UGT1A1: variants seen among roughly 807,000 people sequenced by gnomAD.
The protein encoded by UGT1A1 is UDP-glucuronosyltransferase 1A1.
A neutral mutation model predicts 40.6 loss-of-function variants in UGT1A1; 33 were observed. The ratio of observed to expected loss-of-function variants is 0.81; its 90% CI spans 0.62 to 1.09. The LOEUF is 1.09. Among genes scored for constraint, UGT1A1 ranks in the 50% least tolerant of loss-of-function variants. UGT1A1 has a pLI of 0.00. For synonymous variants in UGT1A1, 249 were observed against 265.0 expected (o/e 0.94, Z 0.59); for missense variants, 694 against 671.2 (o/e 1.03, Z -0.38).
At position 233,767,169 on chromosome 2, in the gene UGT1A1, A is replaced by G; in HGVS notation, c.996+4A>G. On this transcript the variant is annotated splice_donor_region_variant and intron_variant, in intron 2 of 4. Coordinates refer to ENST00000305208, the MANE Select transcript of UGT1A1 (RefSeq NM_000463.3). The stretch of plus-strand genomic sequence containing the variant: ...TTTGGGCAAAATCCCTCAGACAGTA[A>G]GAAGATTCTATACCATGGCCTCATA... 1.2e-6 allele frequency: 2 copies of G among 1,614,122 alleles called. No homozygotes were observed. The highest frequency in any genetic ancestry group is 1.7e-6 in the Non-Finnish European group (2 of 1,180,012).
In UGT1A1 at chr2:233,772,749, G is replaced by T. The variant is rs901299936; in HGVS notation, c.*190G>T. The T allele has an allele frequency of 1.4e-6, 2 of 1,420,114 alleles. No individual in the cohort carries two copies. The highest frequency in any genetic ancestry group is 1.8e-6 in the Non-Finnish European group (2 of 1,083,638). The allele number at this position is 1,420,114 out of a possible 1,614,324, so 88.0% of individuals were successfully genotyped here. A position where few individuals can be genotyped will look rare whatever the true frequency, so the allele number is the denominator to read the frequency against. On this transcript the variant is annotated 3_prime_UTR_variant, in exon 5 of 5. Coordinates refer to ENST00000305208, the MANE Select transcript of UGT1A1 (RefSeq NM_000463.3). ...GACTCGCTAGTCAGTAAAGATATTTGAATATGTATCGTGCCCCCTCTGGTG... is the reference window on the plus strand; with the variant it reads ...GACTCGCTAGTCAGTAAAGATATTTTAATATGTATCGTGCCCCCTCTGGTG...
chr2:233,761,269 T>C, intron 1 of UGT1A1, 118 bp downstream of exon 1: 1 of 1,591,986 alleles, frequency 6.3e-7, no homozygotes, highest in Non-Finnish European at 8.6e-7. Context: ...TAAAATGCCC[T>C]CTTTTGTTAA....
rs762488947 is a variant in UGT1A1, at chr2:233,772,318, C to T, written c.1361C>T (p.Pro454Leu). 5 of 1,614,112 alleles carry T rather than the reference C, an allele frequency of 3.1e-6. No homozygotes were observed. Among genetic ancestry groups the T allele is most frequent in the African/African-American group, 1.3e-5 (1 of 74,934 alleles). The change falls in exon 5 of 5, where the codon CCG (proline) becomes CTG (leucine). Residue 454 changes from proline to leucine, a missense_variant. Physicochemically the swap from Pro to Leu is moderately conservative, Grantham distance 98. Transcript: ENST00000305208. ...SSLHKDRPVE[P>L]LDLAVFWVEF... is the part of the protein sequence containing the mutation. ...CTTCACAAGGACCGCCCGGTGGAGC[C>T]GCTGGACCTGGCCGTGTTCTGGGTG...
intron 1 of UGT1A1, among the ~76,000 whole-genome samples, chr2:233,766,184 T>A (rs1169450089): frequency 6.6e-6 from 1 of 152,052 alleles, no homozygotes; most frequent in Non-Finnish European, 1.5e-5. Context: ...ATTGAGTGGA[T>A]GTAGCTCTCA....
chr2:233,760,403 A>T lies in UGT1A1; in HGVS notation c.116A>T (p.His39Leu), dbSNP rs2125983562. The change falls in exon 1 of 5, where the codon CAC becomes CTC. Residue 39 changes from histidine to leucine, a missense_variant. Coordinates refer to ENST00000305208, the MANE Select transcript of UGT1A1 (RefSeq NM_000463.3). ...KILLIPVDGS[H>L]WLSMLGAIQQ... ...CTGTTGATCCCAGTGGATGGCAGCC[A>T]CTGGCTGAGCATGCTTGGGGCCATC... 1 of 1,614,240 alleles carries T rather than the reference A, an allele frequency of 6.2e-7. No homozygotes were observed. The highest frequency in any genetic ancestry group is 8.5e-7 in the Non-Finnish European group (1 of 1,180,050).
At position 233,767,872 on chromosome 2, in the gene UGT1A1, C is replaced by G. The variant is rs997427896; in HGVS notation, c.1020C>G (p.Thr340=). The G allele has an allele frequency of 2.5e-6, 4 of 1,614,024 alleles. No homozygotes were observed. The highest frequency in any genetic ancestry group is 3.4e-6 in the Non-Finnish European group (4 of 1,180,044). ...PQTVLWRYTG[T]RPSNLANNTI... is the part of the protein sequence containing the mutation. The stretch of plus-strand genomic sequence containing the variant: ...AGGTCCTGTGGCGGTACACTGGAAC[C>G]CGACCATCGAATCTTGCGAACAACA... Residue 340 remains threonine (T), a synonymous_variant, in exon 3 of 5, where the codon ACC becomes ACG. Coordinates refer to ENST00000305208, the MANE Select transcript of UGT1A1 (RefSeq NM_000463.3).
chr2:233,761,244 C>A lies in UGT1A1; in HGVS notation c.864+93C>A, dbSNP rs555483711. 5.0e-6 allele frequency: 8 copies of A among 1,610,826 alleles called. No homozygotes were observed. In the African/African-American group the frequency reaches 1.1e-4, roughly 21 times the overall value. On this transcript the variant is annotated intron_variant, in intron 1 of 4. Transcript: ENST00000305208. ...TAGCCCCAGATATATGCTGAGCAAG[C>A]ATTCTGAGATAATTTAAAATGCCCT...
At chr2:233,771,398 A>G (rs1700304180) in intron 4 of UGT1A1, 1 of 152,164 alleles carries the variant, frequency 6.6e-6, no homozygotes, top group Non-Finnish European at 1.5e-5. Context: ...TGATTGGGCA[A>G]TGAACACTGT....
At chr2:233,764,892 GC>G (rs759147783) in intron 1 of UGT1A1, among the ~76,000 whole-genome samples, 77 of 150,328 alleles carry the variant, frequency 5.1e-4, no homozygotes, top group Non-Finnish European at 1.0e-3. Context: ...CAAAGACAAA[GC>G]CCTTAAGAGC....
Position 233,760,989 on chromosome 2 carries a change from C to T in UGT1A1, c.702C>T (p.Ala234=). Residue 234 remains alanine (A), a synonymous_variant, in exon 1 of 5, where the codon GCC becomes GCT. Coordinates refer to ENST00000305208, the MANE Select transcript of UGT1A1 (RefSeq NM_000463.3). The stretch of plus-strand genomic sequence containing the variant: ...TTTATTCCCCGTATGCAACCCTTGC[C>T]TCAGAATTCCTTCAGAGAGAGGTGA... ...DVVYSPYATL[A]SEFLQREVTV... 6.2e-7 allele frequency: 1 copy of T among 1,614,198 alleles called. No homozygotes were observed. The highest frequency in any genetic ancestry group is 8.5e-7 in the Non-Finnish European group (1 of 1,180,048).
At position 233,762,076 on chromosome 2, in the gene UGT1A1, C is replaced by T. The variant is rs543302541; in HGVS notation, c.864+925C>T. ...CTTCATAGCACATCAAATATGGCAG[C>T]CATTTCACTTAGATAGTTGTTGATT... On this transcript the variant is annotated intron_variant, in intron 1 of 4. Coordinates refer to ENST00000305208, the MANE Select transcript of UGT1A1 (RefSeq NM_000463.3). Among the ~76,000 whole-genome samples the T allele has an allele frequency of 4.6e-5, 7 of 152,184 alleles. No homozygotes were observed. The East Asian group carries it at 1.4e-3, about 29-fold the overall frequency.
rs773383083 is a variant in UGT1A1, at chr2:233,761,070, G to A, written c.783G>A (p.Val261=). 1.4e-5 allele frequency: 23 copies of A among 1,614,070 alleles called. No individual in the cohort carries two copies. The East Asian group carries it at 4.5e-4, about 31-fold the overall frequency. Residue 261 remains valine, a synonymous_variant, in exon 1 of 5, where the codon GTG becomes GTA. Transcript: ENST00000305208. ...TCTGGCTGTTTAGAAGTGACTTTGT[G>A]AAGGATTACCCTAGGCCCATCATGC... ...ASVWLFRSDF[V]KDYPRPIMPN...
intron 1 of UGT1A1, among the ~76,000 whole-genome samples, chr2:233,764,647 G>A (rs1256748841): frequency 6.6e-6 from 1 of 152,124 alleles, no homozygotes; most frequent in Non-Finnish European, 1.5e-5. Context: ...GGAAATTTAA[G>A]TAAGCCATTT....
rs367562116 is a variant in UGT1A1, at chr2:233,765,371, G to A, written c.865-1663G>A. On this transcript the variant is annotated intron_variant, in intron 1 of 4. Coordinates refer to ENST00000305208, the MANE Select transcript of UGT1A1 (RefSeq NM_000463.3). Reference sequence around the variant, plus strand: ...GGAACCAACCCAGATGCCCATCAATGGTAGATTGGATAAAGAAAATGTGGT... The same window carrying A: ...GGAACCAACCCAGATGCCCATCAATAGTAGATTGGATAAAGAAAATGTGGT... Among the ~76,000 whole-genome samples, 7 of 152,230 alleles carry A rather than the reference G, an allele frequency of 4.6e-5. No homozygotes were observed. In the South Asian group the frequency reaches 1.0e-3, roughly 23 times the overall value.
At chr2:233,766,358 C>G (rs1222221070) in intron 1 of UGT1A1, among the ~76,000 whole-genome samples, 1 of 152,148 alleles carries the variant, frequency 6.6e-6, no homozygotes, top group Non-Finnish European at 1.5e-5. Context: ...CTGCCGGTGC[C>G]TGTTGGTGAG....
At chr2:233,765,895 T>C (rs988320482) in intron 1 of UGT1A1, among the ~76,000 whole-genome samples, 1 of 152,066 alleles carries the variant, frequency 6.6e-6, no homozygotes, top group Non-Finnish European at 1.5e-5. Flanking sequence ...AGTGCGCCAC[T>C]GCTCAAACCT....
chr2:233,769,449 G>A lies in UGT1A1; in HGVS notation c.1304+1010G>A, dbSNP rs538754639. ...GCTGTGCTCATGTGTGGGTGCACAC[G>A]TGTGCATTCATATGCGTGTGTGTGT... On this transcript the variant is annotated intron_variant, in intron 4 of 4. Coordinates refer to ENST00000305208, the MANE Select transcript of UGT1A1 (RefSeq NM_000463.3). The surrounding 1 kb of genome is among the most constrained non-coding windows in gnomAD (Gnocchi z 4.4). The A allele has an allele frequency of 8.2e-5, 130 of 1,580,920 alleles. 1 individual carries two copies. The highest frequency in any genetic ancestry group is 7.2e-4 in the African/African-American group (54 of 74,488).
intron 1 of UGT1A1, among the ~76,000 whole-genome samples, chr2:233,763,526 CCT>C (rs1427600025): frequency 1.3e-5 from 2 of 152,212 alleles, no homozygotes; most frequent in Non-Finnish European, 2.9e-5. Context: ...TTGCCATTCT[CCT>C]TTTTCCGGAT....
Position 233,760,448 on chromosome 2 carries a change from GA to G in UGT1A1, c.162del (p.His55MetfsTer3). On this transcript the variant is annotated frameshift_variant, in exon 1 of 5. Coordinates refer to ENST00000305208, the MANE Select transcript of UGT1A1 (RefSeq NM_000463.3). LOFTEE classifies it high-confidence loss of function. Reference protein sequence around the residue: ...LGAIQQLQQRGHEIVVLAPDA... With the variant: ...LGAIQQLQQRXHEIVVLAPDA... ...GCCATCCAGCAGCTGCAGCAGAGGG[GA>G]CATGAAATAGTTGTCCTAGCACCTG... 1 of 1,614,238 alleles carries G rather than the reference GA, an allele frequency of 6.2e-7. No individual in the cohort carries two copies. The highest frequency in any genetic ancestry group is 2.2e-5 in the East Asian group (1 of 44,882).
Sources: allele counts gnomAD v4.1 joint callset (sites outside exome capture counted in the v4.1 genomes callset), GRCh38; gene constraint gnomAD v4.1.1; non-coding constraint Gnocchi (gnomAD v3.1); transcripts MANE v1.5; gene names NCBI Gene and HGNC (gene_info 2026-07-23, HGNC 2026-07-21).